Variants in ITSN2 observed in about 807,000 individuals in gnomAD.
ITSN2 encodes intersectin 2.
In ITSN2, 156 loss-of-function variants were observed where a neutral mutation model predicts 243.7. That is an observed-to-expected ratio of 0.64 (90% confidence interval 0.56 to 0.73). The LOEUF (loss-of-function observed/expected upper bound fraction) is 0.73. ITSN2 is among the 30% of genes least tolerant of loss of function. ITSN2 has a pLI of 0.00. For synonymous variants in ITSN2, 703 were observed against 699.9 expected (o/e 1.00, Z -0.07); for missense variants, 1,801 against 1,996.1 (o/e 0.90, Z 1.86).
In ITSN2 at chr2:24,208,222, C is replaced by A; in HGVS notation, c.4678+15G>T. ...CCCCTGGGGGCTGCGTCCCACCCTC[C>A]GGGCACCCTGATACCTTGGTAAGCT... On this transcript the variant is annotated intron_variant, in intron 37 of 39. Transcript: ENST00000355123. 1 of 1,609,408 alleles carries A rather than the reference C, an allele frequency of 6.2e-7. No individual in the cohort carries two copies. The highest frequency in any genetic ancestry group is 1.1e-5 in the South Asian group (1 of 91,036).
At chr2:24,221,389 G>A in intron 29 of ITSN2, 2 of 262,142 alleles carry the variant, frequency 7.6e-6, no homozygotes, top group South Asian at 9.1e-5. Context: ...ATGATTAAAT[G>A]AATCAGATGC....
rs970863879 is a variant in ITSN2, at chr2:24,248,739, C to T, written c.3178G>A (p.Val1060Ile). 2.5e-6 allele frequency: 4 copies of T among 1,613,430 alleles called. No individual in the cohort carries two copies. In the Admixed American group the frequency reaches 6.7e-5, roughly 27 times the overall value. The change falls in exon 27 of 40, where the codon GTA becomes ATA. Residue 1060 changes from valine (V) to isoleucine (I), a missense_variant. Around this residue, in one of 5 missense-constraint regions of ITSN2, gnomAD observed 928 missense variants for 1,065.4 expected, o/e 0.87. Transcript: ENST00000355123. ...ASNKKPEIAQ[V>I]TSAYVASGSE... is the part of the protein sequence containing the mutation. ...CCAGAAGCAACATATGCTGAAGTTACCTGAGCAATCTCTGAAAAGACAAAG... is the reference window on the plus strand; with the variant it reads ...CCAGAAGCAACATATGCTGAAGTTATCTGAGCAATCTCTGAAAAGACAAAG...
rs1177634798 is a variant in ITSN2, at chr2:24,310,669, A to G, written c.376T>C (p.Ser126Pro). The change falls in exon 6 of 40, where the codon TCC becomes CCC. Residue 126 changes from serine to proline, a missense_variant. Ser to Pro is a moderately conservative substitution (Grantham distance 74). Coordinates refer to ENST00000355123, the MANE Select transcript of ITSN2 (RefSeq NM_006277.3). The part of the protein sequence containing the change: ...RFGMGSMPNL[S>P]IPQPLPPAAP... ...GCTGGAGGCAATGGCTGAGGAATGG[A>G]CAGATTGGGCATGCTTCCCATTCCT... 2 of 1,614,106 alleles carry G rather than the reference A, an allele frequency of 1.2e-6. No individual in the cohort carries two copies. The highest frequency in any genetic ancestry group is 3.3e-5 in the Admixed American group (2 of 60,018).
chr2:24,299,026 CTTT>C (rs1181200021), intron 12 of ITSN2, among the ~76,000 whole-genome samples: 3 of 124,284 alleles, frequency 2.4e-5, no homozygotes, highest in Admixed American at 8.1e-5. Context: ...TTCACGAGAT[CTTT>C]TTTTTTTTTT....
At chr2:24,330,541 A>G in intron 1 of ITSN2, 1 of 767,212 alleles carries the variant, frequency 1.3e-6, no homozygotes, top group South Asian at 1.3e-5. Flanking sequence ...GCCCCTGCAA[A>G]GAAGGGAGAG....
At chr2:24,331,412 A>G (rs932534621) in intron 1 of ITSN2, among the ~76,000 whole-genome samples, 1 of 151,870 alleles carries the variant, frequency 6.6e-6, no homozygotes, top group Non-Finnish European at 1.5e-5. Flanking sequence ...AGCACACAGA[A>G]CACTTCATTG....
chr2:24,298,899 G>C, intron 12 of ITSN2, 85 bp from the exon 13 acceptor site: 1 of 1,302,800 alleles, frequency 7.7e-7, no homozygotes, highest in East Asian at 2.3e-5. Flanking sequence ...ATAAAAGTCA[G>C]GCAGAGTTTA....
At chr2:24,349,804 T>C (rs1374517202) in intron 1 of ITSN2, among the ~76,000 whole-genome samples, 1 of 152,194 alleles carries the variant, frequency 6.6e-6, no homozygotes, top group African/African-American at 2.4e-5. Flanking sequence ...TGTAGCAATG[T>C]AACAAGTACA....
At chr2:24,347,167 TTTATC>T (rs1687611984) in intron 1 of ITSN2, among the ~76,000 whole-genome samples, 1 of 152,150 alleles carries the variant, frequency 6.6e-6, no homozygotes, top group Admixed American at 6.5e-5. Flanking sequence ...CCAGCAGAAA[TTTATC>T]TTAAGAAAAT....
chr2:24,210,010 G>A lies in ITSN2; in HGVS notation c.4281C>T (p.Thr1427=). 1 of 1,613,616 alleles carries A rather than the reference G, an allele frequency of 6.2e-7. No individual in the cohort carries two copies. Among genetic ancestry groups the A allele is most frequent in the Non-Finnish European group, 8.5e-7 (1 of 1,179,652 alleles). The change falls in exon 35 of 40, where the codon ACC becomes ACT. Residue 1427 remains threonine, a synonymous_variant. Transcript: ENST00000355123. ...LAEQLIFNSL[T]NCLGPRKLLH... ...AGAGCTTCCGGGGCCCCAGGCAGTT[G>A]GTGAGAGAGTTGAAAATAAGTTGCT...
At chr2:24,209,775 C>G (rs765852807) in intron 35 of ITSN2, 43 bp downstream of exon 35, 1 of 1,505,132 alleles carries the variant, frequency 6.6e-7, no homozygotes, top group East Asian at 2.3e-5. Flanking sequence ...GAGGCAACAC[C>G]TCATTAGGCC....
At chr2:24,308,196 G>A in intron 8 of ITSN2, among the ~76,000 whole-genome samples, 1 of 152,166 alleles carries the variant, frequency 6.6e-6, no homozygotes, top group East Asian at 1.9e-4. Context: ...AGCATTAAAG[G>A]GTGAGCAATG....
chr2:24,278,023 G>C (rs1245488950), intron 17 of ITSN2, among the ~76,000 whole-genome samples: 7 of 152,140 alleles, frequency 4.6e-5, no homozygotes, highest in African/African-American at 1.7e-4. Context: ...TACATATAAA[G>C]TGCTTATTAT....
chr2:24,316,189 T>C (rs1683902609), intron 2 of ITSN2, among the ~76,000 whole-genome samples: 1 of 152,210 alleles, frequency 6.6e-6, no homozygotes, highest in Non-Finnish European at 1.5e-5. Context: ...TGGAATTAAC[T>C]GTAAAAAGGT....
At chr2:24,252,323 G>A (rs747130590) in intron 25 of ITSN2, 22 bp downstream of exon 25, 4 of 1,554,316 alleles carry the variant, frequency 2.6e-6, no homozygotes, top group Non-Finnish European at 2.7e-6. Flanking sequence ...ACCAGAATGG[G>A]TTGATTTTAA....
intron 14 of ITSN2, 111 bp downstream of exon 14, chr2:24,295,552 AC>A: frequency 1.3e-6 from 1 of 749,824 alleles, no homozygotes; most frequent in Non-Finnish European, 2.0e-6. Context: ...CAGGGGATCC[AC>A]CCGCCTCAGC....
intron 18 of ITSN2, among the ~76,000 whole-genome samples, chr2:24,273,410 G>A (rs1677623276): frequency 6.6e-6 from 1 of 152,028 alleles, no homozygotes; most frequent in Non-Finnish European, 1.5e-5. Flanking sequence ...AACTTTCCGG[G>A]ACACTTTTCC....
chr2:24,325,368 C>T (rs1170977862), intron 2 of ITSN2, among the ~76,000 whole-genome samples: 1 of 152,058 alleles, frequency 6.6e-6, no homozygotes, highest in East Asian at 1.9e-4. Flanking sequence ...TGTGTTCATA[C>T]CACTACACTC....
In ITSN2 at chr2:24,310,265, C is replaced by T; in HGVS notation, c.653+19G>A. ...TCTTACTGAAAGCATAAAAAGTTGT[C>T]AGAGTTAGCTATTCATACCTACTAG... On this transcript the variant is annotated intron_variant, in intron 7 of 39. Transcript: ENST00000355123. 1 of 1,503,856 alleles carries T rather than the reference C, an allele frequency of 6.6e-7. No homozygotes were observed. The highest frequency in any genetic ancestry group is 9.1e-7 in the Non-Finnish European group (1 of 1,093,426). The allele number at this position is 1,503,856 out of a possible 1,614,324, so 93.2% of individuals were successfully genotyped here.
Sources: gnomAD v4.1 joint callset for allele counts (sites outside exome capture counted in the v4.1 genomes callset) on GRCh38, gnomAD v4.1.1 for gene constraint, gnomAD v4.1.1 regional missense constraint, MANE v1.5 for transcripts, NCBI Gene and HGNC (gene_info 2026-07-23, HGNC 2026-07-21) for gene names.